Variants in GGACT observed in about 807,000 individuals in gnomAD.
GGACT encodes gamma-glutamylamine cyclotransferase.
For synonymous variants in GGACT, 118 were observed against 115.3 expected (o/e 1.02, Z -0.15); for missense variants, 241 against 233.2 (o/e 1.03, Z -0.22).
At chr13:100,561,471 AC>A (rs527631365) in intron 2 of GGACT, among the ~76,000 whole-genome samples, 1 of 152,174 alleles carries the variant, frequency 6.6e-6, no homozygotes, top group Non-Finnish European at 1.5e-5. Flanking sequence ...CTGCCTCTTC[AC>A]CCCGATTTTG....
intron 2 of GGACT, among the ~76,000 whole-genome samples, chr13:100,563,683 T>C (rs1340923133): frequency 6.6e-6 from 1 of 152,182 alleles, no homozygotes; most frequent in African/African-American, 2.4e-5. Context: ...CTTTAAAAGA[T>C]GATACAGATA....
At chr13:100,588,568 CGGCCGGCGGCGCCCCAG>C (rs1403622467) in intron 1 of GGACT, 156 bp downstream of exon 1, 1 of 152,034 alleles carries the variant, frequency 6.6e-6, no homozygotes, top group African/African-American at 2.4e-5. Flanking sequence ...CTGGCCTCGC[CGGCCGGCGGCGCCCCAG>C]GCCTCCTCCC....
intron 2 of GGACT, among the ~76,000 whole-genome samples, chr13:100,564,049 C>T (rs2088788715): frequency 6.6e-6 from 1 of 152,168 alleles, no homozygotes; most frequent in South Asian, 2.1e-4. Context: ...GCTGGGGCTC[C>T]CCACGCCTGT....
In GGACT at chr13:100,540,758, G is replaced by A. The variant is rs1048622888; in HGVS notation, c.-10-8157C>T. On this transcript the variant is annotated intron_variant, in intron 2 of 2. Coordinates refer to ENST00000683975, the MANE Select transcript of GGACT (RefSeq NM_001195087.2). ...GCCCATCTCCAAGGGCTGCTGTGAG[G>A]ATCACAACCAACAGGACACATGAAA... is the stretch of plus-strand genomic sequence containing the variant. Among the ~76,000 whole-genome samples, 6 of 152,198 alleles carry A rather than the reference G, an allele frequency of 3.9e-5. No homozygotes were observed. The South Asian group carries it at 6.2e-4, about 16-fold the overall frequency.
intron 2 of GGACT, among the ~76,000 whole-genome samples, chr13:100,547,018 G>C (rs142958212): frequency 6.6e-6 from 1 of 152,206 alleles, no homozygotes; most frequent in Non-Finnish European, 1.5e-5. Flanking sequence ...AAAGAGGCAC[G>C]ATGGGCCTTC....
In GGACT at chr13:100,530,383, G is replaced by A. The variant is rs1237924567; in HGVS notation, c.*1747C>T. 1 of 611,274 alleles carries A rather than the reference G, an allele frequency of 1.6e-6. No homozygotes were observed. The highest frequency in any genetic ancestry group is 2.8e-5 in the East Asian group (1 of 35,924). The allele number at this position is 611,274 out of a possible 1,614,324, so 37.9% of individuals were successfully genotyped here. A position where few individuals can be genotyped will look rare whatever the true frequency, so the allele number is the denominator to read the frequency against. On this transcript the variant is annotated 3_prime_UTR_variant, in exon 3 of 3. Transcript: ENST00000683975. The stretch of plus-strand genomic sequence containing the variant: ...TGTACATATGATTTGTACTTCTGCT[G>A]TGAGATTCCCTAGTGTCAAAATTAA...
At chr13:100,557,628 A>C (rs116623951) in intron 2 of GGACT, among the ~76,000 whole-genome samples, 1 of 152,216 alleles carries the variant, frequency 6.6e-6, no homozygotes, top group Non-Finnish European at 1.5e-5. Flanking sequence ...AATTAACTCA[A>C]AATGTATCCA....
chr13:100,532,261 G>A lies in GGACT; in HGVS notation c.331C>T (p.Pro111Ser). Residue 111 changes from proline (P) to serine (S), a missense_variant, in exon 3 of 3, where the codon CCC becomes TCC. Coordinates refer to ENST00000683975, the MANE Select transcript of GGACT (RefSeq NM_001195087.2). ...RAPGAEEPPA[P>S]TAVQCFVYSR... ...TACACGAAGCACTGCACCGCGGTGG[G>A]CGCTGGCGGCTCCTCTGCGCCCGGG... The A allele has an allele frequency of 6.5e-7, 1 of 1,528,226 alleles. No individual in the cohort carries two copies. The allele number at this position is 1,528,226 out of a possible 1,614,324, so 94.7% of individuals were successfully genotyped here. A position where few individuals can be genotyped will look rare whatever the true frequency, so the allele number is the denominator to read the frequency against.
chr13:100,574,684 A>C (rs1262654709), intron 2 of GGACT, among the ~76,000 whole-genome samples: 1 of 152,214 alleles, frequency 6.6e-6, no homozygotes, highest in Non-Finnish European at 1.5e-5. Context: ...ATACTAGAGC[A>C]GAGAACGGAG....
In GGACT at chr13:100,532,474, A is replaced by G. The variant is rs1295966412; in HGVS notation, c.118T>C (p.Tyr40His). 6.5e-7 allele frequency: 1 copy of G among 1,549,464 alleles called. No individual in the cohort carries two copies. Among genetic ancestry groups the G allele is most frequent in the Non-Finnish European group, 8.7e-7 (1 of 1,146,600 alleles). Residue 40 changes from tyrosine (Y) to histidine (H), a missense_variant, in exon 3 of 3, where the codon TAC becomes CAC. Coordinates refer to ENST00000683975, the MANE Select transcript of GGACT (RefSeq NM_001195087.2). ...TGCTCCCCCGCGATCACCAACGGGT[A>G]GGGCTCCAGCGTGCGGCCGCGCGCC... is the stretch of plus-strand genomic sequence containing the variant. ...FRARGRTLEPYPLVIAGEHNI... is the reference protein window; with the variant it reads ...FRARGRTLEPHPLVIAGEHNI...
intron 2 of GGACT, among the ~76,000 whole-genome samples, chr13:100,567,387 T>C (rs1874925849): frequency 6.6e-6 from 1 of 152,238 alleles, no homozygotes; most frequent in Non-Finnish European, 1.5e-5. Flanking sequence ...TTTGGACAGA[T>C]GGGGTGAATT....
chr13:100,530,960 A>C lies in GGACT; in HGVS notation c.*1170T>G, dbSNP rs1262134165. 2.0e-5 allele frequency: 3 copies of C among 152,232 alleles called. No homozygotes were observed. Among genetic ancestry groups the C allele is most frequent in the African/African-American group, 7.2e-5 (3 of 41,444 alleles). The allele number at this position is 152,232 out of a possible 1,614,324, so 9.4% of individuals were successfully genotyped here. On this transcript the variant is annotated 3_prime_UTR_variant, in exon 3 of 3. Transcript: ENST00000683975. The stretch of plus-strand genomic sequence containing the variant: ...CGTAGCCTTTTTGTGTTTTTTGTGA[A>C]GCAAGTTTCCAATTAAGCAAAAGAA...
intron 1 of GGACT, chr13:100,586,821 G>A (rs1875591999): frequency 6.6e-6 from 1 of 152,264 alleles, no homozygotes; most frequent in Non-Finnish European, 1.5e-5. Flanking sequence ...ATCCATTTAA[G>A]GGGGTATCAC....
At chr13:100,557,464 C>A (rs1283825632) in intron 2 of GGACT, among the ~76,000 whole-genome samples, 3 of 152,074 alleles carry the variant, frequency 2.0e-5, no homozygotes, top group Admixed American at 6.6e-5. Context: ...CAGAAGTAGA[C>A]CCCTACTTGT....
intron 1 of GGACT, among the ~76,000 whole-genome samples, chr13:100,586,459 G>A (rs181960621): frequency 0.015 from 2,289 of 152,184 alleles, 27 homozygotes; most frequent in Middle Eastern, 0.024. Flanking sequence ...TCACTGGAGA[G>A]CCTTGCTTTC....
At chr13:100,538,621 G>C (rs563515794) in intron 2 of GGACT, 2 of 152,186 alleles carry the variant, frequency 1.3e-5, no homozygotes, top group African/African-American at 4.8e-5. Context: ...AGGAATTCCT[G>C]TTCTATGCTA....
intron 2 of GGACT, chr13:100,538,730 T>C (rs1594183285): frequency 6.6e-6 from 1 of 152,244 alleles, no homozygotes; most frequent in African/African-American, 2.4e-5. Flanking sequence ...TTAAGGTCCT[T>C]TGATATTTCC....
chr13:100,542,225 A>G (rs867401502), intron 2 of GGACT, among the ~76,000 whole-genome samples: 6 of 152,254 alleles, frequency 3.9e-5, no homozygotes, highest in African/African-American at 1.4e-4. Context: ...ACTGAAGAGC[A>G]ACCCCGGGTG....
At chr13:100,571,729 T>C (rs1875087603) in intron 2 of GGACT, among the ~76,000 whole-genome samples, 1 of 152,180 alleles carries the variant, frequency 6.6e-6, no homozygotes, top group African/African-American at 2.4e-5. Context: ...TCAGTTCCAA[T>C]TCCCTACAAA....
Sources: allele counts gnomAD v4.1 joint callset (sites outside exome capture counted in the v4.1 genomes callset), GRCh38; gene constraint gnomAD v4.1.1; transcripts MANE v1.5; gene names NCBI Gene and HGNC (gene_info 2026-07-23, HGNC 2026-07-21).